PIGN: variants seen among roughly 807,000 people sequenced by gnomAD.
The protein encoded by PIGN is phosphatidylinositol glycan anchor biosynthesis class N, also known as GPI ethanolamine phosphate transferase 1.
Under a neutral mutation model 125.4 loss-of-function variants are expected in PIGN, and 117 were observed. The ratio of observed to expected loss-of-function variants is 0.93; its 90% CI spans 0.80 to 1.09. PIGN has a LOEUF of 1.09. Ranked by LOEUF, PIGN falls within the 50% of genes least tolerant of loss-of-function variation. PIGN has a pLI of 0.00. For synonymous variants in PIGN, 392 were observed against 377.8 expected, an observed-to-expected ratio of 1.04 and a Z score of -0.44; for missense variants, 1,075 against 1,094.9, an observed-to-expected ratio of 0.98 and a Z score of 0.26.
chr18:62,093,110 G>C (rs1340866687), intron 23 of PIGN, among the ~76,000 whole-genome samples: 2 of 152,158 alleles, frequency 1.3e-5, no homozygotes, highest in Non-Finnish European at 2.9e-5. Flanking sequence ...AACAACTGTT[G>C]ATTAATTGAA....
At chr18:62,019,562 T>C (rs1306894782) in intron 23 of PIGN, among the ~76,000 whole-genome samples, 1 of 152,218 alleles carries the variant, frequency 6.6e-6, no homozygotes, top group African/African-American at 2.4e-5. Context: ...ATAACCCTTT[T>C]ACCTAAAAAT....
In PIGN at chr18:62,120,875, G is replaced by A. The variant is rs145207958; in HGVS notation, c.1173-6236C>T. Among the ~76,000 whole-genome samples the A allele has an allele frequency of 7.4e-3, 1,118 of 151,706 alleles. 6 individuals are homozygous for A. Among genetic ancestry groups the A allele is most frequent in the Middle Eastern group, 0.031 (9 of 292 alleles). ...TTATTATAGTAAGTATAAATGGTCC[G>A]AAAACACCAACTAAAAGAAAAAAAG... On this transcript the variant is annotated intron_variant, in intron 14 of 30. Transcript: ENST00000640252.
chr18:62,113,863 A>G (rs1418454997), intron 15 of PIGN, among the ~76,000 whole-genome samples: 1 of 152,180 alleles, frequency 6.6e-6, no homozygotes, highest in Non-Finnish European at 1.5e-5. Context: ...CATTTAACAA[A>G]GAAAAATTAA....
intron 3 of PIGN, among the ~76,000 whole-genome samples, chr18:62,161,746 A>T (rs578106410): frequency 5.3e-5 from 8 of 152,366 alleles, no homozygotes; most frequent in African/African-American, 1.9e-4. Context: ...AGCCAAGTCA[A>T]ATCCTACAAA....
chr18:62,101,759 C>T (rs2034445677), intron 21 of PIGN, among the ~76,000 whole-genome samples: 1 of 152,132 alleles, frequency 6.6e-6, no homozygotes, highest in South Asian at 2.1e-4. Flanking sequence ...TGAGAACACT[C>T]ATATGAGTTT....
At chr18:62,149,459 T>C (rs528935841) in intron 7 of PIGN, among the ~76,000 whole-genome samples, 1 of 152,306 alleles carries the variant, frequency 6.6e-6, no homozygotes, top group African/African-American at 2.4e-5. Context: ...ATGACTTGAA[T>C]TACATCTATA....
intron 30 of PIGN, among the ~76,000 whole-genome samples, chr18:62,061,026 C>G (rs1408434939): frequency 6.6e-6 from 1 of 152,074 alleles, no homozygotes; most frequent in Non-Finnish European, 1.5e-5. Flanking sequence ...AAAAGCATAC[C>G]CGATGCCACA....
intron 7 of PIGN, among the ~76,000 whole-genome samples, chr18:62,149,578 CA>C (rs2036458190): frequency 6.6e-6 from 1 of 152,068 alleles, no homozygotes; most frequent in Non-Finnish European, 1.5e-5. Context: ...TGGTTTTGGC[CA>C]ATGAGATTTA....
Position 62,106,973 on chromosome 18 carries a change from G to C in PIGN, c.1674+13C>G. On this transcript the variant is annotated intron_variant, in intron 18 of 30. Transcript: ENST00000640252. ...AGAAATTTGCAAATGTTGTAATCTG[G>C]TAAGTTACTTACTAATACTTCAATT... 2 of 1,553,782 alleles carry C rather than the reference G, an allele frequency of 1.3e-6. No individual in the cohort carries two copies. Among genetic ancestry groups the C allele is most frequent in the African/African-American group, 1.4e-5 (1 of 73,250 alleles).
intron 30 of PIGN, among the ~76,000 whole-genome samples, chr18:62,060,737 A>G (rs1207486492): frequency 6.6e-6 from 1 of 152,224 alleles, no homozygotes; most frequent in African/African-American, 2.4e-5. Context: ...AGCTCAATCA[A>G]ACTGATGATC....
chr18:62,090,606 A>G (rs1275744201), intron 23 of PIGN, 28 bp from the exon 24 acceptor site: 1 of 1,370,714 alleles, frequency 7.3e-7, no homozygotes, highest in South Asian at 1.3e-5. Flanking sequence ...GTAGAAATGA[A>G]AAGAAAAAAA....
Position 62,043,276 on chromosome 18 carries a change from G to A in PIGN, c.*2580C>T, listed in dbSNP as rs538093338. The A allele has an allele frequency of 6.6e-6, 1 of 152,088 alleles. No individual in the cohort carries two copies. The highest frequency in any genetic ancestry group is 1.5e-5 in the Non-Finnish European group (1 of 68,036). 9.4% of individuals were successfully genotyped at this position (152,088 alleles called of 1,614,324 possible). ...GACAGGGTGGCCCTGCAACAGCTACGCCTGTCCTAGAGACCATACCCACGC... is the reference window on the plus strand; with the variant it reads ...GACAGGGTGGCCCTGCAACAGCTACACCTGTCCTAGAGACCATACCCACGC... On this transcript the variant is annotated 3_prime_UTR_variant, in exon 31 of 31. Coordinates refer to ENST00000640252, the MANE Select transcript of PIGN (RefSeq NM_176787.5).
In PIGN at chr18:62,027,805, G is replaced by T. The variant is rs374038614; in HGVS notation, c.2143-10064C>A. Among the ~76,000 whole-genome samples the T allele has an allele frequency of 3.2e-3, 482 of 152,258 alleles. 5 individuals carry two copies. Among genetic ancestry groups the T allele is most frequent in the African/African-American group, 0.011 (468 of 41,548 alleles). ...ACTTGTTATCCCAGCTACTAGGAAGGCTGAGGTGGGAGGATTGCTTGAGCC... is the reference window on the plus strand; with the variant it reads ...ACTTGTTATCCCAGCTACTAGGAAGTCTGAGGTGGGAGGATTGCTTGAGCC... On this transcript the variant is annotated intron_variant, in intron 23 of 24. Coordinates refer to the PIGN transcript ENST00000639600.
intron 28 of PIGN, among the ~76,000 whole-genome samples, chr18:62,081,742 G>A (rs1033120145): frequency 1.4e-4 from 21 of 152,036 alleles, no homozygotes; most frequent in Non-Finnish European, 4.4e-5. Flanking sequence ...TTGCATCTAA[G>A]TAAATATCTC....
intron 23 of PIGN, 148 bp from the exon 24 acceptor site, chr18:62,090,726 A>G (rs2033917661): frequency 1.8e-6 from 1 of 542,630 alleles, no homozygotes. Flanking sequence ...GAAAGTAGGA[A>G]AGTAATATTT....
chr18:62,063,848 T>A (rs138075796), intron 30 of PIGN, among the ~76,000 whole-genome samples: 23 of 145,242 alleles, frequency 1.6e-4, no homozygotes, highest in Non-Finnish European at 3.3e-4. Flanking sequence ...AAACACCGCA[T>A]GTTCTCACTC....
intron 17 of PIGN, among the ~76,000 whole-genome samples, chr18:62,108,045 T>C (rs1295505321): frequency 6.6e-6 from 1 of 152,230 alleles, no homozygotes; most frequent in Non-Finnish European, 1.5e-5. Context: ...AAGGTCAGTA[T>C]CATTTGGTTT....
At chr18:62,021,702 T>C (rs546714097) in intron 23 of PIGN, among the ~76,000 whole-genome samples, 1 of 152,324 alleles carries the variant, frequency 6.6e-6, no homozygotes, top group East Asian at 1.9e-4. Flanking sequence ...AGTGTACACC[T>C]TTCCTATTGC....
At position 62,179,142 on chromosome 18, in the gene PIGN, G is replaced by T. The variant is rs538027212; in HGVS notation, c.-236+7702C>A. On this transcript the variant is annotated intron_variant, in intron 1 of 30. Transcript: ENST00000640252. ...AGGAGAGGAAACATACATACATAAA[G>T]TACCATTTTCTTCACATCACATTAA... is the stretch of plus-strand genomic sequence containing the variant. Among the ~76,000 whole-genome samples the T allele has an allele frequency of 1.4e-4, 22 of 152,296 alleles. No homozygotes were observed. The East Asian group carries it at 4.3e-3, about 29-fold the overall frequency.
Sources: allele counts gnomAD v4.1 joint callset (sites outside exome capture counted in the v4.1 genomes callset), GRCh38; gene constraint gnomAD v4.1.1; transcripts MANE v1.5; gene names NCBI Gene and HGNC (gene_info 2026-07-23, HGNC 2026-07-21).